GRM5: variants seen among roughly 807,000 people sequenced by gnomAD.
GRM5 encodes glutamate metabotropic receptor 5.
In GRM5, 19 loss-of-function variants were observed where a neutral mutation model predicts 83.1. The ratio of observed to expected loss-of-function variants is 0.23; its 90% confidence interval spans 0.16 to 0.34. The LOEUF (loss-of-function observed/expected upper bound fraction) is 0.34. Ranked by LOEUF, GRM5 falls within the 10% of genes least tolerant of loss-of-function variation. GRM5 has a pLI of 1.00. For synonymous variants in GRM5, 675 were observed against 633.6 expected (o/e 1.07, Z -0.98); for missense variants, 1,160 against 1,588.3 (o/e 0.73, Z 4.58).
intron 3 of GRM5, among the ~76,000 whole-genome samples, chr11:88,838,635 T>C (rs1461818528): frequency 2.6e-5 from 4 of 152,164 alleles, no homozygotes; most frequent in South Asian, 2.1e-4. Flanking sequence ...TCCCTAACAG[T>C]GAGAAATTAA....
chr11:88,910,826 AAC>A (rs1363654178), intron 2 of GRM5, among the ~76,000 whole-genome samples: 1 of 133,956 alleles, frequency 7.5e-6, no homozygotes, highest in African/African-American at 2.8e-5. Flanking sequence ...AATACTTAAA[AAC>A]ACACAATGTA....
chr11:88,891,916 C>T (rs1195519092), intron 2 of GRM5, among the ~76,000 whole-genome samples: 1 of 151,992 alleles, frequency 6.6e-6, no homozygotes, highest in African/African-American at 2.4e-5. Flanking sequence ...GCTCAGAAAG[C>T]TAAAGCAATC....
chr11:89,039,299 T>C (rs1159604029), intron 2 of GRM5, among the ~76,000 whole-genome samples: 1 of 150,532 alleles, frequency 6.6e-6, no homozygotes, highest in East Asian at 2.0e-4. Flanking sequence ...ATATATAAAG[T>C]GATTATGTTT....
chr11:88,855,296 TG>T (rs1318868981), intron 2 of GRM5, among the ~76,000 whole-genome samples: 2 of 151,898 alleles, frequency 1.3e-5, no homozygotes, highest in African/African-American at 2.4e-5. Flanking sequence ...CACTATTTTT[TG>T]TTTGGTACTT....
chr11:88,818,167 G>A (rs950496718), intron 3 of GRM5, among the ~76,000 whole-genome samples: 11 of 152,018 alleles, frequency 7.2e-5, no homozygotes, highest in African/African-American at 2.7e-4. Context: ...CTGGCTAAAG[G>A]ATCTATGAAA....
chr11:88,550,464 G>A (rs11020367), intron 8 of GRM5, among the ~76,000 whole-genome samples: 1,915 of 152,310 alleles, frequency 0.013, 44 homozygotes, highest in African/African-American at 0.044. Context: ...ATCCAACTCC[G>A]TGTACCAATT....
intron 3 of GRM5, among the ~76,000 whole-genome samples, chr11:88,774,488 T>C (rs552605498): frequency 1.2e-4 from 18 of 152,228 alleles, no homozygotes; most frequent in Non-Finnish European, 2.2e-4. Flanking sequence ...AACACCATGC[T>C]GAATAGGAGT....
In GRM5 at chr11:88,845,423, C is replaced by CTTTTTTTTTTTTTTTTTTTTTT. The variant is rs71046265; in HGVS notation, c.911+4461_911+4482dup. 6.5e-5 allele frequency among the ~76,000 whole-genome samples: 6 copies of CTTTTTTTTTTTTTTTTTTTTTT among 92,444 alleles called. 1 individual carries two copies. The highest frequency in any genetic ancestry group is 1.3e-4 in the African/African-American group (3 of 22,230). The allele number at this position is 92,444 out of a possible 152,430, so 60.6% of individuals were successfully genotyped here. A position where few individuals can be genotyped will look rare whatever the true frequency, so the allele number is the denominator to read the frequency against. The stretch of plus-strand genomic sequence containing the variant: ...AGGCTACAGTACAGTATAAACATAA[C>CTTTTTTTTTTTTTTTTTTTTTT]TTTTTTTTTTTTTTTTTTTTTTTTT... On this transcript the variant is annotated intron_variant, in intron 3 of 9. Transcript: ENST00000305447.
At chr11:88,732,615 A>G (rs906644976) in intron 3 of GRM5, among the ~76,000 whole-genome samples, 2 of 152,108 alleles carry the variant, frequency 1.3e-5, no homozygotes, top group African/African-American at 4.8e-5. Context: ...TTCTGATATC[A>G]AAGTTTCTTT....
chr11:88,658,862 C>G (rs1336992821), intron 3 of GRM5, among the ~76,000 whole-genome samples: 1 of 152,094 alleles, frequency 6.6e-6, no homozygotes, highest in Non-Finnish European at 1.5e-5. Flanking sequence ...TGTGAGTGTT[C>G]TTTTGTGCCA....
intron 3 of GRM5, among the ~76,000 whole-genome samples, chr11:88,845,293 A>C (rs1590906266): frequency 6.8e-6 from 1 of 148,102 alleles, no homozygotes; most frequent in African/African-American, 2.5e-5. Flanking sequence ...AAAGAATCTA[A>C]CCCACTGAAG....
intron 2 of GRM5, among the ~76,000 whole-genome samples, chr11:88,963,358 T>A (rs1382710648): frequency 1.3e-5 from 2 of 152,218 alleles, no homozygotes; most frequent in African/African-American, 2.4e-5. Flanking sequence ...AGAATCAAAT[T>A]TACTTTTTCA....
intron 3 of GRM5, among the ~76,000 whole-genome samples, chr11:88,830,741 T>G (rs1943974845): frequency 6.6e-6 from 1 of 152,192 alleles, no homozygotes; most frequent in Non-Finnish European, 1.5e-5. Flanking sequence ...ACGCTGTGTA[T>G]TCGTCTGTTT....
intron 8 of GRM5, among the ~76,000 whole-genome samples, chr11:88,535,360 A>T (rs919989884): frequency 1.4e-4 from 21 of 152,164 alleles, no homozygotes; most frequent in African/African-American, 5.1e-4. Flanking sequence ...AAACACTGGA[A>T]AACATAGTCT....
chr11:88,639,413 G>A (rs1195529909), intron 4 of GRM5, among the ~76,000 whole-genome samples: 1 of 152,016 alleles, frequency 6.6e-6, no homozygotes, highest in South Asian at 2.1e-4. Context: ...TGAGAATAAT[G>A]TCTTCATTGT....
At chr11:88,825,382 TA>T (rs1375651294) in intron 3 of GRM5, among the ~76,000 whole-genome samples, 2 of 152,328 alleles carry the variant, frequency 1.3e-5, no homozygotes, top group East Asian at 3.9e-4. Context: ...GTTTTTCCTC[TA>T]GGGGTACTAT....
intron 3 of GRM5, among the ~76,000 whole-genome samples, chr11:88,681,977 G>T (rs922188765): frequency 6.6e-6 from 1 of 152,006 alleles, no homozygotes; most frequent in Non-Finnish European, 1.5e-5. Flanking sequence ...TGTAGCCACC[G>T]ACTATACTAC....
chr11:88,987,160 C>A (rs1939749146), intron 2 of GRM5, among the ~76,000 whole-genome samples: 1 of 152,080 alleles, frequency 6.6e-6, no homozygotes, highest in Middle Eastern at 3.2e-3. Context: ...GCGCACCGTG[C>A]ACAAGCCGAA....
chr11:89,055,307 G>A (rs924559381), intron 1 of GRM5, among the ~76,000 whole-genome samples: 3 of 152,136 alleles, frequency 2.0e-5, no homozygotes, highest in Non-Finnish European at 4.4e-5. Context: ...AGTGACAGCA[G>A]TACCTACCCC....
Sources: allele counts gnomAD v4.1 joint callset (sites outside exome capture counted in the v4.1 genomes callset), GRCh38; gene constraint gnomAD v4.1.1; transcripts MANE v1.5; gene names NCBI Gene and HGNC (gene_info 2026-07-23, HGNC 2026-07-21).